PTPRD: variants seen among roughly 807,000 people sequenced by gnomAD.
PTPRD encodes receptor-type tyrosine-protein phosphatase delta.
A neutral mutation model predicts 214.5 loss-of-function variants in PTPRD; 34 were observed. The ratio of observed to expected loss-of-function variants is 0.16; its 90% confidence interval spans 0.12 to 0.21. PTPRD has a LOEUF of 0.21. PTPRD is among the 10% of genes least tolerant of loss of function. The probability of loss-of-function intolerance (pLI) is 1.00; values close to 1 mark genes in which losing one functional copy is unlikely to be tolerated. For synonymous variants in PTPRD, 1,128 were observed against 845.7 expected (o/e 1.33, Z -5.79); for missense variants, 2,545 against 2,398.7 (o/e 1.06, Z -1.27).
At chr9:8,792,427 C>T (rs1048413368) in intron 11 of PTPRD, among the ~76,000 whole-genome samples, 15 of 152,178 alleles carry the variant, frequency 9.9e-5, no homozygotes, top group Non-Finnish European at 2.1e-4. Context: ...GAAATACTAA[C>T]GGCTACCTTA....
chr9:9,918,610 A>T, intron 5 of PTPRD, among the ~76,000 whole-genome samples: 1 of 152,138 alleles, frequency 6.6e-6, no homozygotes. Context: ...TCCTGAGACA[A>T]AACAGCAAAA....
intron 11 of PTPRD, among the ~76,000 whole-genome samples, chr9:8,873,598 T>C (rs992737797): frequency 1.3e-5 from 2 of 152,220 alleles, no homozygotes; most frequent in Non-Finnish European, 2.9e-5. Context: ...CTCTATCTCT[T>C]TTTTAAATTT....
At chr9:9,160,336 C>A (rs568945969) in intron 10 of PTPRD, among the ~76,000 whole-genome samples, 2 of 152,046 alleles carry the variant, frequency 1.3e-5, no homozygotes, top group African/African-American at 4.8e-5. Context: ...AACTCAATAG[C>A]AAGAAAACAA....
At chr9:9,358,427 T>C (rs1401824645) in intron 9 of PTPRD, among the ~76,000 whole-genome samples, 1 of 151,366 alleles carries the variant, frequency 6.6e-6, no homozygotes, top group Non-Finnish European at 1.5e-5. Flanking sequence ...ATATCTATAA[T>C]ACTTTAATAA....
intron 8 of PTPRD, among the ~76,000 whole-genome samples, chr9:9,504,164 T>G (rs1376589919): frequency 6.6e-6 from 1 of 151,734 alleles, no homozygotes; most frequent in Non-Finnish European, 1.5e-5. Flanking sequence ...ACTAGAGAGA[T>G]TGTAGTCTAA....
intron 8 of PTPRD, among the ~76,000 whole-genome samples, chr9:9,422,966 G>A (rs1019048690): frequency 1.2e-4 from 19 of 152,150 alleles, no homozygotes; most frequent in African/African-American, 4.1e-4. Context: ...TGATAAACAT[G>A]TCAGGCCCTT....
chr9:9,908,050 C>G (rs1049099572), intron 5 of PTPRD, among the ~76,000 whole-genome samples: 1 of 146,854 alleles, frequency 6.8e-6, no homozygotes, highest in Non-Finnish European at 1.5e-5. Context: ...AACATATACA[C>G]CAAGATTAGG....
intron 2 of PTPRD, among the ~76,000 whole-genome samples, chr9:10,492,421 G>A (rs2040608992): frequency 6.6e-6 from 1 of 152,060 alleles, no homozygotes; most frequent in African/African-American, 2.4e-5. Flanking sequence ...GGCATGAGAT[G>A]GTATCTCATT....
In PTPRD at chr9:9,998,115, T is replaced by TA. The variant is rs1158744931; in HGVS notation, c.-472+35602dup. Among the ~76,000 whole-genome samples, 24 of 105,800 alleles carry TA rather than the reference T, an allele frequency of 2.3e-4. 1 individual carries two copies. The highest frequency in any genetic ancestry group is 1.2e-3 in the South Asian group (4 of 3,410). 69.4% of individuals were successfully genotyped at this position (105,800 alleles called of 152,430 possible). ...ATGTACCCTAGAACTTAAAGTATAA[T>TA]AAAAAAAAAAAAAAATATATATATA... is the stretch of plus-strand genomic sequence containing the variant. On this transcript the variant is annotated intron_variant, in intron 4 of 45. Transcript: ENST00000381196.
At chr9:8,767,804 T>C (rs1013854248) in intron 11 of PTPRD, among the ~76,000 whole-genome samples, 3 of 152,170 alleles carry the variant, frequency 2.0e-5, no homozygotes, top group African/African-American at 7.2e-5. Context: ...TACCAGGTGA[T>C]TCCAATGTAT....
At chr9:9,342,355 T>C (rs1478303652) in intron 9 of PTPRD, among the ~76,000 whole-genome samples, 1 of 152,078 alleles carries the variant, frequency 6.6e-6, no homozygotes, top group Non-Finnish European at 1.5e-5. Flanking sequence ...ATGGGGAAAA[T>C]AAATTTGTAT....
chr9:10,567,278 G>C (rs1401212155), intron 2 of PTPRD, among the ~76,000 whole-genome samples: 1 of 151,978 alleles, frequency 6.6e-6, no homozygotes, highest in African/African-American at 2.4e-5. Context: ...AAATGAAAAT[G>C]AAATACTTCT....
chr9:10,088,163 C>G (rs1462977742), intron 3 of PTPRD, among the ~76,000 whole-genome samples: 2 of 151,852 alleles, frequency 1.3e-5, no homozygotes, highest in East Asian at 3.9e-4. Flanking sequence ...AGACAGCCAT[C>G]TTTTTCTATT....
At chr9:10,238,141 C>G (rs113073201) in intron 3 of PTPRD, among the ~76,000 whole-genome samples, 2 of 119,572 alleles carry the variant, frequency 1.7e-5, no homozygotes, top group Admixed American at 1.7e-4. Flanking sequence ...AGTGTGAAAG[C>G]TGACCATACA....
At chr9:10,033,158 C>T in intron 4 of PTPRD, among the ~76,000 whole-genome samples, 1 of 151,246 alleles carries the variant, frequency 6.6e-6, no homozygotes, top group Non-Finnish European at 1.5e-5. Flanking sequence ...CCTACATGCT[C>T]TTAAAATATT....
intron 12 of PTPRD, among the ~76,000 whole-genome samples, chr9:8,672,458 C>T (rs1284662072): frequency 6.6e-6 from 1 of 152,092 alleles, no homozygotes; most frequent in Non-Finnish European, 1.5e-5. Context: ...TGTAATCTTT[C>T]GTGCTTTATT....
chr9:8,482,102 T>C (rs920207829), intron 30 of PTPRD, among the ~76,000 whole-genome samples: 21 of 152,144 alleles, frequency 1.4e-4, no homozygotes, highest in African/African-American at 4.8e-4. Context: ...TAATAACTTC[T>C]CTAAGCCCAC....
intron 8 of PTPRD, among the ~76,000 whole-genome samples, chr9:9,426,287 C>G (rs2382007): frequency 0.86 from 131,512 of 152,220 alleles, 56,917 homozygotes; most frequent in Middle Eastern, 0.91. Flanking sequence ...GAGGGTCCCA[C>G]GCCCATGGAG....
intron 11 of PTPRD, among the ~76,000 whole-genome samples, chr9:8,780,583 T>C (rs1167763162): frequency 6.6e-6 from 1 of 152,224 alleles, no homozygotes; most frequent in East Asian, 1.9e-4. Flanking sequence ...AAGGTGCTTT[T>C]ATTCTCTCTG....
Sources: allele counts gnomAD v4.1 joint callset (sites outside exome capture counted in the v4.1 genomes callset), GRCh38; gene constraint gnomAD v4.1.1; transcripts MANE v1.5; gene names NCBI Gene and HGNC (gene_info 2026-07-23, HGNC 2026-07-21).